Variants in EMILIN2 observed in about 807,000 individuals in gnomAD.
The protein encoded by EMILIN2 is EMILIN-2.
A neutral mutation model predicts 87.1 loss-of-function variants in EMILIN2; 71 were observed. That is an observed-to-expected ratio of 0.82 (90% confidence interval 0.67 to 0.99). The LOEUF is 0.99. Among genes scored for constraint, EMILIN2 ranks in the 50% least tolerant of loss-of-function variants. The probability of loss-of-function intolerance (pLI) is 0.00; values close to 1 mark genes in which losing one functional copy is unlikely to be tolerated. For missense variants in EMILIN2, 1,407 were observed against 1,371.8 expected, an observed-to-expected ratio of 1.03 and a Z score of -0.40; for synonymous variants, 581 against 563.4, an observed-to-expected ratio of 1.03 and a Z score of -0.44.
intron 2 of EMILIN2, among the ~76,000 whole-genome samples, chr18:2,859,218 A>C (rs1439878005): frequency 6.6e-6 from 1 of 152,102 alleles, no homozygotes; most frequent in Non-Finnish European, 1.5e-5. Flanking sequence ...ACCACATACA[A>C]GCCAATATCT....
intron 6 of EMILIN2, 38 bp downstream of exon 6, chr18:2,909,013 C>T (rs1177729601): frequency 6.2e-7 from 1 of 1,612,130 alleles, no homozygotes; most frequent in East Asian, 2.2e-5. Flanking sequence ...GAGGAGCGGT[C>T]TCCTTGGTGG....
At chr18:2,903,022 A>G (rs1033261096) in intron 4 of EMILIN2, among the ~76,000 whole-genome samples, 1 of 152,102 alleles carries the variant, frequency 6.6e-6, no homozygotes, top group Non-Finnish European at 1.5e-5. Context: ...TAACTTATCG[A>G]GGGTTGAAGG....
chr18:2,912,481 T>G (rs1294205595), intron 7 of EMILIN2, among the ~76,000 whole-genome samples: 2 of 152,214 alleles, frequency 1.3e-5, no homozygotes, highest in Non-Finnish European at 2.9e-5. Context: ...CTGACTCTCC[T>G]AGCTGTGGGG....
At chr18:2,889,566 T>C (rs979600216) in intron 3 of EMILIN2, among the ~76,000 whole-genome samples, 1 of 152,174 alleles carries the variant, frequency 6.6e-6, no homozygotes, top group African/African-American at 2.4e-5. Context: ...TTATGACTCA[T>C]CACTATCATT....
chr18:2,894,783 C>T lies in EMILIN2; in HGVS notation c.2359+2297C>T, dbSNP rs1437755870. On this transcript the variant is annotated intron_variant, in intron 4 of 7. Transcript: ENST00000254528. The surrounding 1 kb of genome is among the most constrained non-coding windows in gnomAD (Gnocchi z 5.0). ...CAAGCAGAGCCTCCTCTGCCCTTGT[C>T]TAGCATCCAGGTCTAGGAGACCTGG... Among the ~76,000 whole-genome samples the T allele has an allele frequency of 6.6e-6, 1 of 152,158 alleles. No individual in the cohort carries two copies. Among genetic ancestry groups the T allele is most frequent in the Non-Finnish European group, 1.5e-5 (1 of 68,034 alleles).
Position 2,907,058 on chromosome 18 carries a change from G to A in EMILIN2, c.2635G>A (p.Gly879Ser), listed in dbSNP as rs1023552606. 5.6e-6 allele frequency: 7 copies of A among 1,258,154 alleles called. No individual in the cohort carries two copies. Among genetic ancestry groups the A allele is most frequent in the South Asian group, 6.3e-5 (2 of 31,562 alleles). The allele number at this position is 1,258,154 out of a possible 1,614,324, so 77.9% of individuals were successfully genotyped here. A position where few individuals can be genotyped will look rare whatever the true frequency, so the allele number is the denominator to read the frequency against. Residue 879 changes from glycine (G) to serine (S), a missense_variant, in exon 5 of 8, where the codon GGC (glycine) becomes AGC (serine). Physicochemically the swap from Gly to Ser is moderately conservative, Grantham distance 56. Transcript: ENST00000254528. ...CCAGACCGGGAGCGGCACCGTCCCC[G>A]GCGCAGAAGGCTTCGCGGGCGCACC... ...DGQTGSGTVP[G>S]AEGFAGAPGY... is the part of the protein sequence containing the mutation.
Position 2,914,184 on chromosome 18 carries a change from A to G in EMILIN2, c.*780A>G, listed in dbSNP as rs1419541252. 1 of 152,520 alleles carries G rather than the reference A, an allele frequency of 6.6e-6. No individual in the cohort carries two copies. 9.4% of individuals were successfully genotyped at this position (152,520 alleles called of 1,614,324 possible). A position where few individuals can be genotyped will look rare whatever the true frequency, so the allele number is the denominator to read the frequency against. On this transcript the variant is annotated 3_prime_UTR_variant, in exon 8 of 8. Transcript: ENST00000254528. ...AGGGCTACAGAAAGTAACCTTGAGT[A>G]AAATTAATCTCAGCTACAAAACTGT...
intron 2 of EMILIN2, among the ~76,000 whole-genome samples, chr18:2,879,264 G>A (rs571691733): frequency 6.6e-6 from 1 of 152,324 alleles, no homozygotes; most frequent in African/African-American, 2.4e-5. Context: ...TGTTCACGCT[G>A]CCCAACACTG....
At chr18:2,849,655 T>A (rs889004542) in intron 2 of EMILIN2, among the ~76,000 whole-genome samples, 1 of 152,206 alleles carries the variant, frequency 6.6e-6, no homozygotes, top group Non-Finnish European at 1.5e-5. Context: ...TCTGTTGTTT[T>A]ATTAAACAAA....
rs2076917352 is a variant in EMILIN2, at chr18:2,907,020, G to C, written c.2597G>C (p.Arg866Pro). The C allele has an allele frequency of 2.3e-6, 3 of 1,317,848 alleles. No individual in the cohort carries two copies. The highest frequency in any genetic ancestry group is 2.9e-6 in the Non-Finnish European group (3 of 1,037,626). The allele number at this position is 1,317,848 out of a possible 1,614,324, so 81.6% of individuals were successfully genotyped here. A position where few individuals can be genotyped will look rare whatever the true frequency, so the allele number is the denominator to read the frequency against. ...GAGVSGRGLP[R>P]GVDGQTGSGT... ...GGCGTGTCTGGGCGGGGTCTGCCGC[G>C]GGGCGTGGACGGCCAGACCGGGAGC... is the stretch of plus-strand genomic sequence containing the variant. The change falls in exon 5 of 8, where the codon CGG becomes CCG. Residue 866 changes from arginine (R) to proline (P), a missense_variant. Physicochemically the swap from Arg to Pro is moderately radical, Grantham distance 103. Transcript: ENST00000254528.
intron 4 of EMILIN2, among the ~76,000 whole-genome samples, chr18:2,902,851 A>C (rs1312319919): frequency 2.0e-5 from 3 of 152,108 alleles, no homozygotes; most frequent in African/African-American, 7.2e-5. Context: ...GGGGAGACCA[A>C]AGGAGAAGGA....
chr18:2,864,517 ATTCTT>A (rs1363586201), intron 2 of EMILIN2, among the ~76,000 whole-genome samples: 5 of 152,216 alleles, frequency 3.3e-5, no homozygotes, highest in Non-Finnish European at 7.3e-5. Context: ...TGGGTTGAAA[ATTCTT>A]TTCTTTAAGA....
At chr18:2,871,125 A>G (rs1289955446) in intron 2 of EMILIN2, among the ~76,000 whole-genome samples, 1 of 152,098 alleles carries the variant, frequency 6.6e-6, no homozygotes, top group Admixed American at 6.5e-5. Flanking sequence ...ACTCCAAAAT[A>G]TCTTTCTGGG....
chr18:2,881,382 G>A (rs16943970), intron 2 of EMILIN2, among the ~76,000 whole-genome samples: 5 of 152,336 alleles, frequency 3.3e-5, no homozygotes, highest in Admixed American at 2.6e-4. Flanking sequence ...CAGATTAGAC[G>A]CGGAGCAGGA....
intron 2 of EMILIN2, among the ~76,000 whole-genome samples, chr18:2,858,024 G>A (rs949017531): frequency 1.3e-5 from 2 of 152,130 alleles, no homozygotes; most frequent in Non-Finnish European, 2.9e-5. Flanking sequence ...GGCCGGTGCA[G>A]GGGGAAAGCA....
rs2076840516 is a variant in EMILIN2, at chr18:2,892,031, G to T, written c.1904G>T (p.Gly635Val). The T allele has an allele frequency of 2.5e-6, 4 of 1,614,098 alleles. No homozygotes were observed. The highest frequency in any genetic ancestry group is 3.4e-6 in the Non-Finnish European group (4 of 1,180,054). ...AAGGAAATGAGCAATTGTAGAGCAGGTGAAAACGCTGGCATGGGTAGGTTC... is the reference window on the plus strand; with the variant it reads ...AAGGAAATGAGCAATTGTAGAGCAGTTGAAAACGCTGGCATGGGTAGGTTC... The part of the protein sequence containing the change: ...LQKEMSNCRA[G>V]ENAGMGRFTK... Residue 635 changes from glycine (G) to valine (V), a missense_variant, in exon 4 of 8, where the codon GGT (glycine) becomes GTT (valine). Transcript: ENST00000254528.
At chr18:2,910,417 C>T (rs929901622) in intron 7 of EMILIN2, among the ~76,000 whole-genome samples, 12 of 152,174 alleles carry the variant, frequency 7.9e-5, no homozygotes, top group Admixed American at 6.5e-5. Flanking sequence ...GTGGAGTTTA[C>T]CTCCGAGTTC....
At chr18:2,865,301 T>C (rs1357448442) in intron 2 of EMILIN2, among the ~76,000 whole-genome samples, 1 of 152,238 alleles carries the variant, frequency 6.6e-6, no homozygotes, top group East Asian at 1.9e-4. Flanking sequence ...ATCTGATTTT[T>C]AGAGTTTCCA....
intron 4 of EMILIN2, among the ~76,000 whole-genome samples, chr18:2,895,924 C>G (rs2076861293): frequency 6.6e-6 from 1 of 152,158 alleles, no homozygotes; most frequent in Admixed American, 6.5e-5. Context: ...GGTTTTGGAC[C>G]AGTAAGCAGA....
Sources: gnomAD v4.1 joint callset for allele counts (sites outside exome capture counted in the v4.1 genomes callset) on GRCh38, gnomAD v4.1.1 for gene constraint, Gnocchi (gnomAD v3.1) non-coding constraint, MANE v1.5 for transcripts, NCBI Gene and HGNC (gene_info 2026-07-23, HGNC 2026-07-21) for gene names.